Variants in ARHGAP12 observed in about 807,000 individuals in gnomAD.
ARHGAP12 encodes rho GTPase-activating protein 12.
ARHGAP12 carries 64 observed loss-of-function variants against 108.6 expected under a neutral mutation model. That is an observed-to-expected ratio of 0.59 (90% confidence interval 0.48 to 0.73). ARHGAP12 has a LOEUF of 0.73. Ranked by LOEUF, ARHGAP12 falls within the 30% of genes least tolerant of loss-of-function variation. ARHGAP12 has a pLI of 0.00. For synonymous variants in ARHGAP12, 312 were observed against 337.2 expected (o/e 0.93, Z 0.82); for missense variants, 940 against 1,005.9 (o/e 0.93, Z 0.89).
chr10:31,894,835 C>T (rs1838612579), intron 3 of ARHGAP12, among the ~76,000 whole-genome samples: 1 of 152,184 alleles, frequency 6.6e-6, no homozygotes, highest in African/African-American at 2.4e-5. Context: ...ATCACGCTAC[C>T]TGACTTCAAA....
Position 31,908,860 on chromosome 10 carries a change from T to C in ARHGAP12, c.-5A>G, listed in dbSNP as rs371906708. The C allele has an allele frequency of 1.4e-4, 224 of 1,577,912 alleles. No individual in the cohort carries two copies. The highest frequency in any genetic ancestry group is 3.4e-4 in the Middle Eastern group (2 of 5,932). On this transcript the variant is annotated 5_prime_UTR_variant, in exon 3 of 20. Transcript: ENST00000344936. The stretch of plus-strand genomic sequence containing the variant: ...ACTTCTGTCAGCCATTTTCATTCAA[T>C]AATATTCACCTCTCAAAAAGGATGT...
chr10:31,821,377 TTTG>T (rs1472443657), intron 11 of ARHGAP12, among the ~76,000 whole-genome samples: 17 of 152,160 alleles, frequency 1.1e-4, no homozygotes, highest in Non-Finnish European at 1.9e-4. Context: ...CATCTTTAAA[TTTG>T]TTTAGTCTGT....
At chr10:31,868,659 G>A (rs758172520) in intron 3 of ARHGAP12, among the ~76,000 whole-genome samples, 6 of 152,040 alleles carry the variant, frequency 3.9e-5, no homozygotes, top group Non-Finnish European at 8.8e-5. Flanking sequence ...TTTAGGGCCA[G>A]GTGTGGTGAC....
chr10:31,843,582 T>G lies in ARHGAP12; in HGVS notation c.1175A>C (p.Asn392Thr), dbSNP rs767178832. The change falls in exon 7 of 20, where the codon AAT (asparagine) becomes ACT (threonine). Residue 392 changes from asparagine (N) to threonine (T), a missense_variant. Asn to Thr is a moderately conservative substitution (Grantham distance 65, BLOSUM62 0). Transcript: ENST00000344936. ...SRSEWELPKY[N>T]ASSQQQREII... is the part of the protein sequence containing the mutation. ...TTCTCTTTGCTGCTGGGATGAAGCA[T>G]TATACTAAAACAAAACAAAGCAAAA... 2.5e-6 allele frequency: 4 copies of G among 1,595,322 alleles called. No individual in the cohort carries two copies. Among genetic ancestry groups the G allele is most frequent in the Non-Finnish European group, 3.4e-6 (4 of 1,175,206 alleles).
chr10:31,916,842 C>T (rs1839576441), intron 1 of ARHGAP12, among the ~76,000 whole-genome samples: 1 of 151,960 alleles, frequency 6.6e-6, no homozygotes, highest in Non-Finnish European at 1.5e-5. Flanking sequence ...GTCTGGAATT[C>T]CTGACCTTGT....
At chr10:31,810,946 T>A (rs1834994141) in intron 15 of ARHGAP12, among the ~76,000 whole-genome samples, 199 bp from the exon 16 acceptor site, 1 of 152,182 alleles carries the variant, frequency 6.6e-6, no homozygotes, top group Non-Finnish European at 1.5e-5. Context: ...AAACCCTTAC[T>A]CACTCTTGCC....
intron 3 of ARHGAP12, among the ~76,000 whole-genome samples, chr10:31,870,296 C>T (rs965488889): frequency 6.7e-6 from 1 of 148,756 alleles, no homozygotes; most frequent in Non-Finnish European, 1.5e-5. Context: ...ATGGTGCCAT[C>T]TCAGCTCACT....
At chr10:31,874,266 C>CT (rs1202744141) in intron 3 of ARHGAP12, among the ~76,000 whole-genome samples, 2 of 152,158 alleles carry the variant, frequency 1.3e-5, no homozygotes, top group African/African-American at 4.8e-5. Context: ...CTTCTGATAA[C>CT]TGAATATTCT....
intron 3 of ARHGAP12, among the ~76,000 whole-genome samples, chr10:31,889,497 TCTA>T (rs1197987648): frequency 6.6e-6 from 1 of 152,198 alleles, no homozygotes; most frequent in Non-Finnish European, 1.5e-5. Flanking sequence ...GGTATTACTT[TCTA>T]CTTTCTAAAA....
chr10:31,840,619 T>A (rs778895725), intron 7 of ARHGAP12, among the ~76,000 whole-genome samples: 21 of 152,150 alleles, frequency 1.4e-4, no homozygotes, highest in Admixed American at 5.9e-4. Flanking sequence ...CATCTCCACG[T>A]AGGTATCATT....
chr10:31,861,617 G>C lies in ARHGAP12; in HGVS notation c.726C>G (p.Val242=), dbSNP rs74127860. 6.2e-4 allele frequency: 1,002 copies of C among 1,612,012 alleles called. 5 individuals carry two copies. In the African/African-American group the frequency reaches 0.013, roughly 20 times the overall value. ...PPNQGRPDSP[V]YANLQELKIS... ...TTTTCAGTTCTTGAAGGTTAGCATA[G>C]ACAGGAGAATCTGGCCTTCCTTGAT... Residue 242 remains valine (V), a synonymous_variant, in exon 4 of 20, where the codon GTC becomes GTG. Transcript: ENST00000344936.
At chr10:31,911,892 GA>G (rs1316457227) in intron 1 of ARHGAP12, among the ~76,000 whole-genome samples, 1 of 152,168 alleles carries the variant, frequency 6.6e-6, no homozygotes, top group East Asian at 1.9e-4. Flanking sequence ...AAGGGAGGGG[GA>G]TTCTTCTAGA....
intron 3 of ARHGAP12, 112 bp from the exon 4 acceptor site, chr10:31,861,770 A>T: frequency 7.6e-6 from 7 of 915,796 alleles, no homozygotes; most frequent in Non-Finnish European, 1.1e-5. Context: ...AAACATATAT[A>T]CAGGTGAATA....
rs761225079 is a variant in ARHGAP12, at chr10:31,839,337, A to G, written c.1372-18T>C. On this transcript the variant is annotated intron_variant, in intron 8 of 19. Coordinates refer to ENST00000344936, the MANE Select transcript of ARHGAP12 (RefSeq NM_018287.7). ...CTGCTGGCCTGAGGAAAAAAAGAGT[A>G]AAGTATAATGTCATAGTATTGTCTG... 9.3e-6 allele frequency: 15 copies of G among 1,608,376 alleles called. No homozygotes were observed. The highest frequency in any genetic ancestry group is 1.1e-5 in the Non-Finnish European group (13 of 1,175,956).
At chr10:31,852,738 T>A (rs1297169937) in intron 5 of ARHGAP12, 141 bp from the exon 6 acceptor site, 1 of 560,404 alleles carries the variant, frequency 1.8e-6, no homozygotes, top group Admixed American at 3.3e-5. Context: ...TCTTTTTTTT[T>A]TTTTTTTTTT....
At chr10:31,813,047 T>C (rs188422264) in intron 14 of ARHGAP12, among the ~76,000 whole-genome samples, 93 of 152,256 alleles carry the variant, frequency 6.1e-4, no homozygotes, top group African/African-American at 2.2e-3. Flanking sequence ...TTTTTATCAC[T>C]AAAAACAGAT....
rs1834843484 is a variant in ARHGAP12, at chr10:31,807,035, T to C, written c.*623A>G. On this transcript the variant is annotated 3_prime_UTR_variant, in exon 20 of 20. Transcript: ENST00000344936. ...AAAACTCCAGTATATCACAGTGTTT[T>C]AAGTAATATTAGTGTGCTGCCCAAA... The C allele has an allele frequency of 6.6e-6, 1 of 152,574 alleles. No homozygotes were observed. Among genetic ancestry groups the C allele is most frequent in the Non-Finnish European group, 1.5e-5 (1 of 68,018 alleles). The allele number at this position is 152,574 out of a possible 1,614,324, so 9.5% of individuals were successfully genotyped here. A position where few individuals can be genotyped will look rare whatever the true frequency, so the allele number is the denominator to read the frequency against.
intron 9 of ARHGAP12, 33 bp downstream of exon 9, chr10:31,839,272 A>C (rs1385819560): frequency 1.3e-6 from 2 of 1,595,580 alleles, no homozygotes; most frequent in Non-Finnish European, 1.7e-6. Flanking sequence ...GAAGGTGTCT[A>C]TGCCTATTAA....
intron 1 of ARHGAP12, among the ~76,000 whole-genome samples, chr10:31,920,014 G>A (rs1247705293): frequency 1.3e-5 from 2 of 150,822 alleles, no homozygotes; most frequent in Admixed American, 6.6e-5. Context: ...CTCAAGGCAG[G>A]AGAATCGCTT....
Sources: allele counts gnomAD v4.1 joint callset (sites outside exome capture counted in the v4.1 genomes callset), GRCh38; gene constraint gnomAD v4.1.1; transcripts MANE v1.5; gene names NCBI Gene and HGNC (gene_info 2026-07-23, HGNC 2026-07-21).